The following BRCA1 variants were observed in gnomAD, a reference collection of about 807,000 sequenced individuals.
BRCA1 encodes breast cancer type 1 susceptibility protein.
A neutral mutation model predicts 173.7 loss-of-function variants in BRCA1; 140 were observed. That is an observed-to-expected ratio of 0.81 (90% CI 0.70 to 0.93). The LOEUF is 0.93. Among genes scored for constraint, BRCA1 ranks in the 40% least tolerant of loss-of-function variants. BRCA1 has a pLI of 0.00. For synonymous variants in BRCA1, 662 were observed against 756.0 expected, an observed-to-expected ratio of 0.88 and a Z score of 2.04; for missense variants, 1,983 against 2,172.5, an observed-to-expected ratio of 0.91 and a Z score of 1.73.
chr17:43,125,598 C>A, upstream of BRCA1: 1 of 300,088 alleles, frequency 3.3e-6, no homozygotes, highest in Non-Finnish European at 6.6e-6. Context: ...AAGAATTCTA[C>A]CTGAGTTTGC....
chr17:43,134,602 A>C (rs2056000386), intron 1 of BRCA1, among the ~76,000 whole-genome samples: 2 of 152,204 alleles, frequency 1.3e-5, no homozygotes, highest in Non-Finnish European at 1.5e-5. Flanking sequence ...TAAATCCTTT[A>C]CTTTCCACTT....
chr17:43,156,242 A>G (rs919217314), intron 1 of BRCA1, among the ~76,000 whole-genome samples: 1 of 152,048 alleles, frequency 6.6e-6, no homozygotes, highest in Admixed American at 6.6e-5. Context: ...ATCTCAAAAA[A>G]AGAAAAAAAA....
chr17:43,164,706 T>C (rs2056256442), intron 1 of BRCA1: 1 of 152,180 alleles, frequency 6.6e-6, no homozygotes, highest in South Asian at 2.1e-4. Flanking sequence ...GCAGTCTTGG[T>C]GGTTAGCAAC....
intron 1 of BRCA1, among the ~76,000 whole-genome samples, chr17:43,145,527 C>T (rs1229190827): frequency 2.0e-5 from 3 of 151,990 alleles, no homozygotes; most frequent in East Asian, 1.9e-4. Context: ...GGGGTTTCAC[C>T]GCATTAGCCA....
At chr17:43,060,518 G>A (rs2051703033) in intron 18 of BRCA1, among the ~76,000 whole-genome samples, 1 of 150,852 alleles carries the variant, frequency 6.6e-6, no homozygotes, top group African/African-American at 2.4e-5. Flanking sequence ...TGAGACAGGA[G>A]TCTTGCTCTG....
At chr17:43,046,665 G>A (rs2050929990) in intron 22 of BRCA1, among the ~76,000 whole-genome samples, 1 of 149,086 alleles carries the variant, frequency 6.7e-6, no homozygotes, top group Admixed American at 6.8e-5. Context: ...TGAGGCAGGA[G>A]AATCATTTAA....
At chr17:43,051,222 A>G in intron 19 of BRCA1, 105 bp from the exon 20 acceptor site, 2 of 1,111,630 alleles carry the variant, frequency 1.8e-6, no homozygotes, top group South Asian at 1.3e-5. Context: ...TCAAAAAGGA[A>G]GAGCTTTTCT....
At chr17:43,152,687 T>C (rs2056169966) in intron 1 of BRCA1, among the ~76,000 whole-genome samples, 2 of 152,060 alleles carry the variant, frequency 1.3e-5, no homozygotes, top group African/African-American at 2.4e-5. Context: ...ACCCCATCTC[T>C]ACTAAAAAAT....
At chr17:43,055,248 G>T (rs2051410378) in intron 19 of BRCA1, among the ~76,000 whole-genome samples, 1 of 152,240 alleles carries the variant, frequency 6.6e-6, no homozygotes, top group African/African-American at 2.4e-5. Flanking sequence ...GAAAGTCATT[G>T]AGTCTTCTTG....
chr17:43,121,683 C>CAAAAAAAA (rs71160013), intron 2 of BRCA1, among the ~76,000 whole-genome samples: 4 of 32,904 alleles, frequency 1.2e-4, no homozygotes, highest in Non-Finnish European at 2.0e-4. Context: ...AAGTCTGTCT[C>CAAAAAAAA]AAAAAAAAAA....
intron 11 of BRCA1, among the ~76,000 whole-genome samples, chr17:43,083,544 A>G (rs1034331949): frequency 1.3e-5 from 2 of 152,174 alleles, no homozygotes; most frequent in Non-Finnish European, 2.9e-5. Context: ...TTTACTATCT[A>G]TTAAGCACCA....
chr17:43,072,385 G>A (rs1015099676), intron 14 of BRCA1, among the ~76,000 whole-genome samples: 17 of 151,396 alleles, frequency 1.1e-4, no homozygotes, highest in Non-Finnish European at 2.2e-4. Context: ...GTGAAACTCC[G>A]TCTCAAAAAA....
intron 1 of BRCA1, among the ~76,000 whole-genome samples, chr17:43,140,698 T>C (rs564387815): frequency 1.2e-4 from 19 of 152,236 alleles, no homozygotes; most frequent in Middle Eastern, 3.4e-3. Flanking sequence ...CCACACTGTC[T>C]CCTCAGGATG....
chr17:43,122,935 T>C (rs1229539310), intron 2 of BRCA1, among the ~76,000 whole-genome samples: 4 of 151,220 alleles, frequency 2.6e-5, no homozygotes, highest in African/African-American at 9.8e-5. Context: ...TGGGTGCTTG[T>C]AGTCCCAGCT....
chr17:43,156,585 G>C (rs1231589705), intron 1 of BRCA1, among the ~76,000 whole-genome samples: 1 of 152,184 alleles, frequency 6.6e-6, no homozygotes, highest in East Asian at 1.9e-4. Flanking sequence ...GGGACCAAAT[G>C]TGACTTTAAA....
intron 1 of BRCA1, among the ~76,000 whole-genome samples, chr17:43,155,383 T>A (rs1187976776): frequency 1.3e-5 from 2 of 152,140 alleles, no homozygotes; most frequent in Non-Finnish European, 1.5e-5. Flanking sequence ...CCCGGCCATC[T>A]TTTTAATTTT....
rs55809351 is a variant in BRCA1, at chr17:43,071,752, C to T, written c.4676-514G>A. Among the ~76,000 whole-genome samples the T allele has an allele frequency of 3.3e-3, 504 of 150,684 alleles. 2 individuals are homozygous for T. Among genetic ancestry groups the T allele is most frequent in the Non-Finnish European group, 6.1e-3 (415 of 68,000 alleles). Reference sequence around the variant, plus strand: ...AGCACGGTGGCTCACACCTGTAATCCCAGCACTTTGGGAGGCCGAGACGGG... The same window carrying T: ...AGCACGGTGGCTCACACCTGTAATCTCAGCACTTTGGGAGGCCGAGACGGG... On this transcript the variant is annotated intron_variant, in intron 14 of 22. Coordinates refer to ENST00000357654, the MANE Select transcript of BRCA1 (RefSeq NM_007294.4).
chr17:43,056,918 C>A (rs1335790255), intron 19 of BRCA1, 134 bp downstream of exon 19: 2 of 824,572 alleles, frequency 2.4e-6, no homozygotes, highest in Non-Finnish European at 4.3e-6. Context: ...GAAAAAAGAA[C>A]CTGTGTGAAA....
At chr17:43,128,051 T>C (rs1472533415), upstream of BRCA1, among the ~76,000 whole-genome samples, 1 of 106,962 alleles carries the variant, frequency 9.3e-6, no homozygotes, top group Non-Finnish European at 1.8e-5. Flanking sequence ...AAAAAAAAAA[T>C]GCAGGCTGCC....
Sources: gnomAD v4.1 joint callset for allele counts (sites outside exome capture counted in the v4.1 genomes callset) on GRCh38, gnomAD v4.1.1 for gene constraint, MANE v1.5 for transcripts, NCBI Gene and HGNC (gene_info 2026-07-23, HGNC 2026-07-21) for gene names.